CDKAL1: variants seen among roughly 807,000 people sequenced by gnomAD.
CDKAL1 encodes the protein CDKAL1 threonylcarbamoyladenosine tRNA methylthiotransferase.
In CDKAL1, 32 loss-of-function variants were observed where a neutral mutation model predicts 68.2. The ratio of observed to expected loss-of-function variants is 0.47; its 90% CI spans 0.35 to 0.63. The LOEUF (loss-of-function observed/expected upper bound fraction) is 0.63, where lower values mean the gene tolerates loss of function less well. CDKAL1 is among the 30% of genes least tolerant of loss of function. CDKAL1 has a pLI of 0.00. For synonymous variants in CDKAL1, 234 were observed against 244.3 expected (o/e 0.96, Z 0.39); for missense variants, 606 against 696.7 (o/e 0.87, Z 1.47).
At chr6:20,985,635 T>C (rs2150783872) in intron 10 of CDKAL1, among the ~76,000 whole-genome samples, 1 of 152,286 alleles carries the variant, frequency 6.6e-6, no homozygotes, top group African/African-American at 2.4e-5. Flanking sequence ...AAAATAACTT[T>C]AAAGCTAGGC....
intron 13 of CDKAL1, among the ~76,000 whole-genome samples, chr6:21,160,671 G>C (rs9465976): frequency 4.4e-5 from 6 of 135,172 alleles, no homozygotes; most frequent in African/African-American, 1.1e-4. Flanking sequence ...GTGTGTGTGT[G>C]TGTGTGTCTG....
At chr6:20,834,892 CCTCT>C (rs1777865470) in intron 8 of CDKAL1, among the ~76,000 whole-genome samples, 1 of 152,120 alleles carries the variant, frequency 6.6e-6, no homozygotes, top group African/African-American at 2.4e-5. Context: ...TTTCTGTCTC[CCTCT>C]ATCACCCCAT....
chr6:21,171,108 T>C (rs1182709532), intron 13 of CDKAL1, among the ~76,000 whole-genome samples: 1 of 152,206 alleles, frequency 6.6e-6, no homozygotes, highest in Non-Finnish European at 1.5e-5. Flanking sequence ...TTAATCACTA[T>C]GGTCCAGCAC....
chr6:20,878,211 C>G (rs1319254509), intron 9 of CDKAL1, among the ~76,000 whole-genome samples: 1 of 152,146 alleles, frequency 6.6e-6, no homozygotes, highest in African/African-American at 2.4e-5. Flanking sequence ...GTGTCTCATA[C>G]ATACAGATTC....
intron 4 of CDKAL1, among the ~76,000 whole-genome samples, chr6:20,600,423 T>G (rs1284778351): frequency 6.6e-6 from 1 of 152,094 alleles, no homozygotes; most frequent in Non-Finnish European, 1.5e-5. Flanking sequence ...CCATTTGTGG[T>G]TAAACCTATT....
intron 9 of CDKAL1, among the ~76,000 whole-genome samples, chr6:20,855,168 G>A (rs1239914070): frequency 6.6e-6 from 1 of 151,834 alleles, no homozygotes; most frequent in African/African-American, 2.4e-5. Context: ...CATGCTGGGC[G>A]CAGTGGCTCA....
At chr6:21,106,048 G>T (rs2150988804) in intron 12 of CDKAL1, among the ~76,000 whole-genome samples, 1 of 152,276 alleles carries the variant, frequency 6.6e-6, no homozygotes, top group Admixed American at 6.5e-5. Context: ...TATTTGTGAG[G>T]AGGAGGCAGT....
chr6:21,080,996 A>G lies in CDKAL1; in HGVS notation c.1236+15768A>G, dbSNP rs978211773. ...ATTTCAAGTTTTCTAAAATAACCCA[A>G]CTTTAGGATAATGAGGAATCATATA... On this transcript the variant is annotated intron_variant, in intron 12 of 15. Transcript: ENST00000274695. Among the ~76,000 whole-genome samples the G allele has an allele frequency of 4.1e-4, 62 of 152,332 alleles. 1 individual carries two copies. The highest frequency in any genetic ancestry group is 1.4e-3 in the African/African-American group (58 of 41,566).
intron 4 of CDKAL1, among the ~76,000 whole-genome samples, chr6:20,600,771 C>CAGATATATATAT (rs1766051267): frequency 8.1e-6 from 1 of 124,176 alleles, no homozygotes; most frequent in Non-Finnish European, 1.7e-5. Flanking sequence ...TATATGTATA[C>CAGATATATATAT]ATATATATAT....
At chr6:21,205,646 GC>G (rs1191482395) in intron 15 of CDKAL1, among the ~76,000 whole-genome samples, 2 of 135,760 alleles carry the variant, frequency 1.5e-5, no homozygotes, top group Non-Finnish European at 3.2e-5. Context: ...TTCTCCTGCC[GC>G]AGCCTCCCGA....
At chr6:20,563,041 T>C (rs1165386803) in intron 4 of CDKAL1, among the ~76,000 whole-genome samples, 1 of 152,218 alleles carries the variant, frequency 6.6e-6, no homozygotes. Context: ...GTGATCTTAT[T>C]GACTTGTCTT....
chr6:20,928,250 T>C (rs1227755065), intron 9 of CDKAL1, among the ~76,000 whole-genome samples: 4 of 152,224 alleles, frequency 2.6e-5, no homozygotes, highest in African/African-American at 9.6e-5. Context: ...TCAGAGTCTC[T>C]TTAAACTTAT....
At chr6:20,768,491 T>C (rs1774797865) in intron 7 of CDKAL1, among the ~76,000 whole-genome samples, 1 of 152,204 alleles carries the variant, frequency 6.6e-6, no homozygotes, top group South Asian at 2.1e-4. Flanking sequence ...CCTTGTGCCC[T>C]CCTTCTTACA....
intron 2 of CDKAL1, among the ~76,000 whole-genome samples, chr6:20,542,583 AT>A (rs1763430420): frequency 6.7e-6 from 1 of 150,124 alleles, no homozygotes; most frequent in Non-Finnish European, 1.5e-5. Context: ...TTCCCCCCCC[AT>A]TTTTTTCTTA....
intron 5 of CDKAL1, among the ~76,000 whole-genome samples, chr6:20,687,464 A>G (rs1047704038): frequency 5.3e-5 from 8 of 152,298 alleles, no homozygotes; most frequent in African/African-American, 9.6e-5. Context: ...TGTTAGATCA[A>G]TCAGGGATAA....
intron 9 of CDKAL1, among the ~76,000 whole-genome samples, chr6:20,851,985 T>C (rs1301149685): frequency 2.0e-5 from 3 of 152,170 alleles, no homozygotes; most frequent in Non-Finnish European, 4.4e-5. Flanking sequence ...TGTTGATTTA[T>C]ATGGCAGTTA....
At chr6:20,896,098 C>CTT (rs1291895133) in intron 9 of CDKAL1, among the ~76,000 whole-genome samples, 3,043 of 103,296 alleles carry the variant, frequency 0.029, 104 homozygotes, top group African/African-American at 0.034. Context: ...CTTTTCTTTT[C>CTT]TTTTCTTTTT....
intron 6 of CDKAL1, among the ~76,000 whole-genome samples, chr6:20,754,260 G>T (rs1339032860): frequency 1.3e-5 from 2 of 151,894 alleles, no homozygotes; most frequent in Non-Finnish European, 2.9e-5. Context: ...TGGGATTACA[G>T]GTGTGAGCAA....
intron 13 of CDKAL1, among the ~76,000 whole-genome samples, chr6:21,169,143 G>C (rs890144596): frequency 6.6e-6 from 1 of 151,792 alleles, no homozygotes; most frequent in African/African-American, 2.4e-5. Flanking sequence ...CTACAAGTTG[G>C]GCATTAAAAA....
Sources: allele counts gnomAD v4.1 joint callset (sites outside exome capture counted in the v4.1 genomes callset), GRCh38; gene constraint gnomAD v4.1.1; transcripts MANE v1.5; gene names NCBI Gene and HGNC (gene_info 2026-07-23, HGNC 2026-07-21).